The following USP28 variants were observed in gnomAD, a reference collection of about 807,000 sequenced individuals.
USP28 encodes ubiquitin carboxyl-terminal hydrolase 28.
USP28 carries 113 observed loss-of-function variants against 145.0 expected under a neutral mutation model. That is an observed-to-expected ratio of 0.78 (90% CI 0.67 to 0.91). The LOEUF (loss-of-function observed/expected upper bound fraction) is 0.91. Ranked by LOEUF, USP28 falls within the 40% of genes least tolerant of loss-of-function variation. The pLI is 0.00. For missense variants in USP28, 1,201 were observed against 1,289.6 expected, an observed-to-expected ratio of 0.93 and a Z score of 1.05; for synonymous variants, 447 against 450.9, an observed-to-expected ratio of 0.99 and a Z score of 0.11.
At chr11:113,815,604 T>C (rs1430030382) in intron 13 of USP28, among the ~76,000 whole-genome samples, 1 of 152,176 alleles carries the variant, frequency 6.6e-6, no homozygotes, top group African/African-American at 2.4e-5. Flanking sequence ...ACTGTGAGCC[T>C]AAGGTTTAAA....
At chr11:113,817,010 T>C (rs955546536) in intron 13 of USP28, among the ~76,000 whole-genome samples, 1 of 152,102 alleles carries the variant, frequency 6.6e-6, no homozygotes, top group Non-Finnish European at 1.5e-5. Context: ...TAGTTAAGAT[T>C]TTTTGACAAA....
chr11:113,813,193 A>G (rs945786636), intron 15 of USP28, among the ~76,000 whole-genome samples: 2 of 152,210 alleles, frequency 1.3e-5, no homozygotes, highest in African/African-American at 2.4e-5. Context: ...AATTAACACA[A>G]AAGAAAAAAT....
At chr11:113,846,944 G>A (rs970175041) in intron 3 of USP28, among the ~76,000 whole-genome samples, 4 of 151,898 alleles carry the variant, frequency 2.6e-5, no homozygotes, top group East Asian at 3.9e-4. Flanking sequence ...GCAGTGAGCC[G>A]AGATCACACC....
chr11:113,830,950 T>G lies in USP28; in HGVS notation c.834-7A>C. The G allele has an allele frequency of 6.2e-7, 1 of 1,612,188 alleles. No homozygotes were observed. The highest frequency in any genetic ancestry group is 8.5e-7 in the Non-Finnish European group (1 of 1,179,840). ...AGATTTGTTCCTGGGACTGCTGCTT[T>G]TAGGAAAAGGAGACAATTCTGGATT... On this transcript the variant is annotated splice_region_variant and splice_polypyrimidine_tract_variant and intron_variant, in intron 8 of 24. Transcript: ENST00000003302.
chr11:113,808,392 T>A (rs1043162939), exon 18 of USP28: 2 of 1,613,928 alleles, frequency 1.2e-6, no homozygotes, highest in African/African-American at 2.7e-5. Context: ...CACAGCATGC[T>A]CAGACGACAA....
intron 3 of USP28, among the ~76,000 whole-genome samples, chr11:113,851,567 G>A (rs1433859276): frequency 2.0e-5 from 3 of 152,056 alleles, no homozygotes; most frequent in Non-Finnish European, 2.9e-5. Context: ...AGGCTGAGGC[G>A]GGTGGATCAC....
At chr11:113,843,732 C>T (rs1945490075) in intron 3 of USP28, among the ~76,000 whole-genome samples, 1 of 137,386 alleles carries the variant, frequency 7.3e-6, no homozygotes, top group Admixed American at 7.1e-5. Context: ...ACAAATATTA[C>T]AAAACTGTAG....
chr11:113,858,048 T>C (rs1003047887), intron 1 of USP28, among the ~76,000 whole-genome samples: 1 of 152,132 alleles, frequency 6.6e-6, no homozygotes, highest in African/African-American at 2.4e-5. Context: ...CTATTTTTAG[T>C]AGACATGGGG....
chr11:113,842,303 T>TGGCTG (rs1162966315), intron 3 of USP28, among the ~76,000 whole-genome samples: 1 of 151,904 alleles, frequency 6.6e-6, no homozygotes, highest in African/African-American at 2.4e-5. Context: ...AAGACCAAGT[T>TGGCTG]GGCTGGGCGC....
chr11:113,817,517 C>T lies in USP28; in HGVS notation c.1463+141G>A. Reference sequence around the variant, plus strand: ...CCACTCCCACCCAAGTGACAGTCAGCAAAACCCTTCCCTTTAAGACAAAGA... The same window carrying T: ...CCACTCCCACCCAAGTGACAGTCAGTAAAACCCTTCCCTTTAAGACAAAGA... On this transcript the variant is annotated intron_variant, in intron 13 of 24. Transcript: ENST00000003302. 8 of 995,092 alleles carry T rather than the reference C, an allele frequency of 8.0e-6. No homozygotes were observed. In the South Asian group the frequency reaches 1.4e-4, roughly 18 times the overall value. 61.6% of individuals were successfully genotyped at this position (995,092 alleles called of 1,614,324 possible).
At chr11:113,874,778 G>T in intron 1 of USP28, 3 of 1,149,240 alleles carry the variant, frequency 2.6e-6, no homozygotes, top group South Asian at 1.8e-5. Flanking sequence ...TCTTAGATCA[G>T]AAGTCCTTAT....
Position 113,868,859 on chromosome 11 carries a change from G to C in USP28, c.57+6586C>G, listed in dbSNP as rs146866360. Among the ~76,000 whole-genome samples, 426 of 150,888 alleles carry C rather than the reference G, an allele frequency of 2.8e-3. 3 individuals carry two copies. Among genetic ancestry groups the C allele is most frequent in the African/African-American group, 0.01 (415 of 41,052 alleles). On this transcript the variant is annotated intron_variant, in intron 1 of 24. Coordinates refer to ENST00000003302, the Ensembl canonical transcript of USP28. ...AATTGCTTGGGCCCAGGAGGTTGAG[G>C]CTGCAGTGAGCCATGATAGAGCCAC...
At chr11:113,875,144 C>T (rs1949245721) in intron 1 of USP28, among the ~76,000 whole-genome samples, 1 of 152,208 alleles carries the variant, frequency 6.6e-6, no homozygotes, top group South Asian at 2.1e-4. Context: ...CAGGAGGGCT[C>T]ACCTTACTGA....
chr11:113,804,721 C>T (rs769702994), exon 21 of USP28: 32 of 1,614,194 alleles, frequency 2.0e-5, no homozygotes, highest in Middle Eastern at 1.6e-4. Context: ...CCTTCAGTTT[C>T]GCTTGAGCCA....
At chr11:113,838,903 G>C (rs1313864699) in intron 5 of USP28, among the ~76,000 whole-genome samples, 1 of 152,142 alleles carries the variant, frequency 6.6e-6, no homozygotes, top group Admixed American at 6.5e-5. Flanking sequence ...TTTTTGGCTT[G>C]AGCAGCTGGG....
chr11:113,835,851 C>A (rs566429972), intron 5 of USP28, among the ~76,000 whole-genome samples: 1 of 152,188 alleles, frequency 6.6e-6, no homozygotes, highest in Non-Finnish European at 1.5e-5. Context: ...GAGGCTGAGG[C>A]GGGCAGATCA....
At chr11:113,857,447 GTT>G in intron 1 of USP28, among the ~76,000 whole-genome samples, 1 of 152,078 alleles carries the variant, frequency 6.6e-6, no homozygotes, top group African/African-American at 2.4e-5. Context: ...AGGTTTTTTG[GTT>G]TTTTTGTTTT....
At chr11:113,848,308 G>C (rs1438732431) in intron 3 of USP28, among the ~76,000 whole-genome samples, 2 of 152,178 alleles carry the variant, frequency 1.3e-5, no homozygotes, top group African/African-American at 4.8e-5. Context: ...CCCCAGTTTG[G>C]AGAAACTTTA....
At chr11:113,809,572 G>A (rs531939490) in intron 16 of USP28, among the ~76,000 whole-genome samples, 1 of 152,262 alleles carries the variant, frequency 6.6e-6, no homozygotes, top group Admixed American at 6.5e-5. Context: ...TAATGAAAAA[G>A]GCTCATAAAG....
Sources: gnomAD v4.1 joint callset for allele counts (sites outside exome capture counted in the v4.1 genomes callset) on GRCh38, gnomAD v4.1.1 for gene constraint, MANE v1.5 for transcripts, NCBI Gene and HGNC (gene_info 2026-07-23, HGNC 2026-07-21) for gene names.